TRERF1: variants seen among roughly 807,000 people sequenced by gnomAD.
The protein encoded by TRERF1 is transcriptional-regulating factor 1.
A neutral mutation model predicts 122.9 loss-of-function variants in TRERF1; 27 were observed. The ratio of observed to expected loss-of-function variants is 0.22; its 90% CI spans 0.16 to 0.30. The LOEUF is 0.30. Ranked by LOEUF, TRERF1 falls within the 10% of genes least tolerant of loss-of-function variation. The pLI, the probability that TRERF1 is intolerant of heterozygous loss-of-function variation, is 1.00. For synonymous variants in TRERF1, 636 were observed against 641.7 expected, an observed-to-expected ratio of 0.99 and a Z score of 0.13; for missense variants, 1,248 against 1,560.3, an observed-to-expected ratio of 0.80 and a Z score of 3.37.
chr6:42,377,606 C>T (rs914114970), intron 2 of TRERF1, among the ~76,000 whole-genome samples: 6 of 152,162 alleles, frequency 3.9e-5, no homozygotes, highest in Non-Finnish European at 5.9e-5. Flanking sequence ...TGTCAGCATC[C>T]GTGGGGCTGC....
intron 4 of TRERF1, among the ~76,000 whole-genome samples, chr6:42,289,660 A>G (rs1187870197): frequency 1.3e-5 from 2 of 152,220 alleles, no homozygotes; most frequent in African/African-American, 4.8e-5. Context: ...AAGAGAAGGA[A>G]AGTCAGTGTT....
chr6:42,229,897 T>G (rs1770164348), intron 17 of TRERF1, among the ~76,000 whole-genome samples: 1 of 152,248 alleles, frequency 6.6e-6, no homozygotes, highest in South Asian at 2.1e-4. Flanking sequence ...TAGCCATGTC[T>G]GTTTATGCAA....
chr6:42,418,252 CTCTT>C lies in TRERF1; in HGVS notation c.-454+32921_-454+32924del, dbSNP rs1267514350. On this transcript the variant is annotated intron_variant, in intron 2 of 17. Transcript: ENST00000372922. Reference sequence around the variant, plus strand: ...TTTTTTTTTTTGAGATGGAGTTTTGCTCTTTCTTTCTTTCTTTTTTTTTTTTTTT... The same window carrying C: ...TTTTTTTTTTTGAGATGGAGTTTTGCTCTTTCTTTCTTTTTTTTTTTTTTT... Among the ~76,000 whole-genome samples, 7 of 17,560 alleles carry C rather than the reference CTCTT, an allele frequency of 4.0e-4. No individual in the cohort carries two copies. In the East Asian group the frequency reaches 4.6e-3, roughly 11 times the overall value. The allele number at this position is 17,560 out of a possible 152,430, so 11.5% of individuals were successfully genotyped here. A position where few individuals can be genotyped will look rare whatever the true frequency, so the allele number is the denominator to read the frequency against.
intron 2 of TRERF1, among the ~76,000 whole-genome samples, chr6:42,415,196 T>C (rs1781659244): frequency 1.3e-5 from 2 of 152,232 alleles, no homozygotes; most frequent in African/African-American, 4.8e-5. Context: ...ACACTTCTTT[T>C]CTGTGAATTT....
At chr6:42,290,108 T>G (rs1406004046) in intron 4 of TRERF1, among the ~76,000 whole-genome samples, 3 of 152,120 alleles carry the variant, frequency 2.0e-5, no homozygotes, top group Non-Finnish European at 4.4e-5. Flanking sequence ...GGCAAGAACA[T>G]GAAGAAGGGC....
Position 42,228,496 on chromosome 6 carries a change from C to G in TRERF1, c.3452G>C (p.Ser1151Thr). The change falls in exon 18 of 18, where the codon AGT becomes ACT. Residue 1151 changes from serine to threonine, a missense_variant. Physicochemically the swap from Ser to Thr is moderately conservative, Grantham distance 58 (BLOSUM62 1). Coordinates refer to ENST00000372922, the Ensembl canonical transcript of TRERF1. The surrounding 1 kb of genome is among the most constrained non-coding windows in gnomAD (Gnocchi z 4.2). ...CACATCCTTGATGGGTTTGATCAGA[C>G]TCAGCTGGTCCAGGGGCAGCAGCCC... is the stretch of plus-strand genomic sequence containing the variant. The G allele has an allele frequency of 6.2e-7, 1 of 1,614,174 alleles. No homozygotes were observed. Among genetic ancestry groups the G allele is most frequent in the Non-Finnish European group, 8.5e-7 (1 of 1,180,026 alleles).
At position 42,341,743 on chromosome 6, in the gene TRERF1, A is replaced by G. The variant is rs556165026; in HGVS notation, c.-371+21254T>C. On this transcript the variant is annotated intron_variant, in intron 3 of 17. Transcript: ENST00000372922. ...GCCAGTTGTTTCACGAAAAAAAATGACCAGCAGTCCCAAAGGGCAAGTTAC... is the reference window on the plus strand; with the variant it reads ...GCCAGTTGTTTCACGAAAAAAAATGGCCAGCAGTCCCAAAGGGCAAGTTAC... Among the ~76,000 whole-genome samples, 6 of 152,340 alleles carry G rather than the reference A, an allele frequency of 3.9e-5. No homozygotes were observed. The South Asian group carries it at 1.0e-3, about 26-fold the overall frequency.
chr6:42,432,254 TA>T (rs1242512857), intron 2 of TRERF1, among the ~76,000 whole-genome samples: 1 of 152,216 alleles, frequency 6.6e-6, no homozygotes, highest in Non-Finnish European at 1.5e-5. Flanking sequence ...AAATACTTTT[TA>T]AAAAGGAAAG....
At chr6:42,236,277 C>G in exon 16 of TRERF1, 10 of 1,612,710 alleles carry the variant, frequency 6.2e-6, no homozygotes, top group Non-Finnish European at 8.5e-6. Flanking sequence ...GCGGCCCCTC[C>G]GTGGGAGCCA....
chr6:42,264,563 C>A (rs1778805014), intron 7 of TRERF1, 141 bp downstream of exon 7: 21 of 1,355,628 alleles, frequency 1.5e-5, no homozygotes, highest in Admixed American at 2.8e-5. Context: ...CTCCCAGCGC[C>A]AAAGCCTAAG....
chr6:42,384,200 G>A (rs1172938032), intron 2 of TRERF1, among the ~76,000 whole-genome samples: 3 of 151,966 alleles, frequency 2.0e-5, no homozygotes, highest in Non-Finnish European at 4.4e-5. Context: ...TTATGACAAA[G>A]GATTGGAAGT....
intron 4 of TRERF1, among the ~76,000 whole-genome samples, chr6:42,298,534 G>A (rs1464804660): frequency 6.6e-6 from 1 of 151,256 alleles, no homozygotes; most frequent in Non-Finnish European, 1.5e-5. Flanking sequence ...GTTGAGGGTG[G>A]TGGCTCACGC....
chr6:42,268,463 C>A lies in TRERF1; in HGVS notation c.1128G>T (p.Gln376His). ...GCTGCTGGGGCTCCTGGTAGTAGTACTGGGACATGGAGCCCAGGGGAATCA... is the reference window on the plus strand; with the variant it reads ...GCTGCTGGGGCTCCTGGTAGTAGTAATGGGACATGGAGCCCAGGGGAATCA... The change falls in exon 5 of 18, where the codon CAG (glutamine) becomes CAT (histidine). Residue 376 changes from glutamine to histidine, a missense_variant. Transcript: ENST00000372922. This position sits in a 1 kb window ranked among gnomAD's most constrained non-coding sequence, Gnocchi z 4.4. 1 of 1,597,650 alleles carries A rather than the reference C, an allele frequency of 6.3e-7. No homozygotes were observed. The highest frequency in any genetic ancestry group is 1.1e-5 in the South Asian group (1 of 87,754).
chr6:42,408,302 TATAC>T (rs545078116), intron 2 of TRERF1, among the ~76,000 whole-genome samples: 13 of 139,490 alleles, frequency 9.3e-5, no homozygotes, highest in African/African-American at 3.0e-4. Flanking sequence ...TGTATGTATA[TATAC>T]ATACTCATGT....
At chr6:42,447,410 G>A (rs1373666750) in intron 2 of TRERF1, among the ~76,000 whole-genome samples, 1 of 152,164 alleles carries the variant, frequency 6.6e-6, no homozygotes, top group Non-Finnish European at 1.5e-5. Flanking sequence ...GGCAACGCAC[G>A]CCAGTAACTG....
intron 3 of TRERF1, among the ~76,000 whole-genome samples, chr6:42,327,684 T>C (rs1046838569): frequency 3.9e-5 from 6 of 152,160 alleles, no homozygotes; most frequent in African/African-American, 1.4e-4. Context: ...TGGAACATAG[T>C]TGGTACTGTT....
intron 2 of TRERF1, among the ~76,000 whole-genome samples, chr6:42,392,851 G>A (rs1777964882): frequency 6.6e-6 from 1 of 151,972 alleles, no homozygotes; most frequent in South Asian, 2.1e-4. Flanking sequence ...AATGTCAAAT[G>A]AGTACACTGG....
intron 13 of TRERF1, among the ~76,000 whole-genome samples, chr6:42,252,022 C>G (rs936509896): frequency 1.3e-5 from 2 of 152,260 alleles, no homozygotes; most frequent in Admixed American, 1.3e-4. Flanking sequence ...TAATTGGGAA[C>G]CACTGCACAC....
intron 2 of TRERF1, among the ~76,000 whole-genome samples, chr6:42,378,127 T>C (rs1289112007): frequency 2.0e-5 from 3 of 151,858 alleles, no homozygotes; most frequent in East Asian, 1.9e-4. Context: ...ATTGGCCAGG[T>C]TGAGGGGCAG....
Sources: gnomAD v4.1 joint callset for allele counts (sites outside exome capture counted in the v4.1 genomes callset) on GRCh38, gnomAD v4.1.1 for gene constraint, Gnocchi (gnomAD v3.1) non-coding constraint, MANE v1.5 for transcripts, NCBI Gene and HGNC (gene_info 2026-07-23, HGNC 2026-07-21) for gene names.